NME9: variants seen among roughly 807,000 people sequenced by gnomAD.
NME9 encodes thioredoxin domain-containing protein 6.
Under a neutral mutation model 44.4 loss-of-function variants are expected in NME9, and 48 were observed. The observed-to-expected ratio is 1.08, with a 90% confidence interval of 0.86 to 1.37. The LOEUF (loss-of-function observed/expected upper bound fraction) is 1.37, where lower values mean the gene tolerates loss of function less well. Ranked by LOEUF, NME9 falls within the 40% of genes most tolerant of loss-of-function variation. NME9 has a pLI of 0.00. For missense variants in NME9, 325 were observed against 405.2 expected (o/e 0.80, Z 1.70); for synonymous variants, 139 against 147.1 (o/e 0.94, Z 0.40).
chr3:138,314,383 C>T lies in NME9; in HGVS notation c.409G>A (p.Glu137Lys), dbSNP rs1167184088. The change falls in exon 6 of 11, where the codon GAA (glutamate) becomes AAA (lysine). Residue 137 changes from glutamate to lysine, a missense_variant. By Grantham distance (56) the Glu-to-Lys change is moderately conservative. Transcript: ENST00000333911. ...KVIKDEALSD[E>K]DECVSHGKNN... ...TTTCCATGGGAAACACATTCATCTTCATCAGAAAGAGCCTCATCTTTAATC... is the reference window on the plus strand; with the variant it reads ...TTTCCATGGGAAACACATTCATCTTTATCAGAAAGAGCCTCATCTTTAATC... 2.5e-6 allele frequency: 4 copies of T among 1,608,710 alleles called. No individual in the cohort carries two copies. Among genetic ancestry groups the T allele is most frequent in the Admixed American group, 1.7e-5 (1 of 59,680 alleles).
chr3:138,319,407 T>C, intron 3 of NME9, 71 bp downstream of exon 3: 3 of 893,512 alleles, frequency 3.4e-6, no homozygotes, highest in Non-Finnish European at 5.5e-6. Context: ...ACACTTCTCC[T>C]TCCTGACTCT....
chr3:138,305,089 G>A (rs1434763735), intron 8 of NME9, 62 bp from the exon 9 acceptor site: 3 of 1,500,824 alleles, frequency 2.0e-6, no homozygotes, highest in Non-Finnish European at 2.7e-6. Context: ...CAGAGGATCA[G>A]CGAGCCCATC....
chr3:138,313,128 C>T (rs1309204856), intron 6 of NME9, among the ~76,000 whole-genome samples: 1 of 152,176 alleles, frequency 6.6e-6, no homozygotes. Flanking sequence ...TGGTGGCTCA[C>T]GCCTGTAATC....
In NME9 at chr3:138,301,741, C is replaced by G. The variant is rs1302689300; in HGVS notation, c.929-37G>C. On this transcript the variant is annotated intron_variant, in intron 10 of 10. Transcript: ENST00000333911. Reference sequence around the variant, plus strand: ...CAGATGTTTGGTAGGACTCCTGAAACAGCCCTGTCCCAGACCTTCTGTCCC... The same window carrying G: ...CAGATGTTTGGTAGGACTCCTGAAAGAGCCCTGTCCCAGACCTTCTGTCCC... The G allele has an allele frequency of 7.4e-6, 11 of 1,482,864 alleles. No individual in the cohort carries two copies. In the South Asian group the frequency reaches 1.3e-4, roughly 18 times the overall value. 91.9% of individuals were successfully genotyped at this position (1,482,864 alleles called of 1,614,324 possible). A position where few individuals can be genotyped will look rare whatever the true frequency, so the allele number is the denominator to read the frequency against.
chr3:138,276,213 A>C (rs2049278256), intron 8 of NME9, among the ~76,000 whole-genome samples: 1 of 152,240 alleles, frequency 6.6e-6, no homozygotes, highest in African/African-American at 2.4e-5. Context: ...CAGTCGGCTC[A>C]CTAGCTAGAA....
chr3:138,303,712 A>G (rs2052012832), intron 9 of NME9, 69 bp from the exon 10 acceptor site: 2 of 1,468,078 alleles, frequency 1.4e-6, no homozygotes, highest in Non-Finnish European at 1.9e-6. Context: ...GCTTTCTGGC[A>G]ACATGATCAC....
rs1044019587 is a variant in NME9 at position 138,329,715 on chromosome 3, G to C, written c.-380C>G. 9.0e-7 allele frequency: 1 copy of C among 1,107,882 alleles called. No homozygotes were observed. The highest frequency in any genetic ancestry group is 1.7e-5 in the African/African-American group (1 of 60,308). 68.6% of individuals were successfully genotyped at this position (1,107,882 alleles called of 1,614,324 possible). On this transcript the variant is annotated 5_prime_UTR_variant, in exon 1 of 11. Coordinates refer to ENST00000333911, the MANE Select transcript of NME9 (RefSeq NM_001349018.2). ...AGTCGAGGAATTCTGACAAAAAAAC[G>C]ACATGGGACCCTGTTATCCCTGCTG...
At chr3:138,291,638 G>A (rs1195348395) in intron 8 of NME9, among the ~76,000 whole-genome samples, 1 of 152,210 alleles carries the variant, frequency 6.6e-6, no homozygotes, top group South Asian at 2.1e-4. Context: ...AAAGCAAGGT[G>A]AAGGAATGGA....
intron 8 of NME9, chr3:138,267,119 C>A: frequency 1.8e-6 from 2 of 1,086,240 alleles, no homozygotes; most frequent in South Asian, 3.1e-5. Flanking sequence ...CTTCATCATT[C>A]CAAATCATTA....
chr3:138,302,027 T>A (rs1039803401), intron 10 of NME9, among the ~76,000 whole-genome samples: 3 of 152,176 alleles, frequency 2.0e-5, no homozygotes, highest in African/African-American at 7.2e-5. Flanking sequence ...ATGAGGAAAC[T>A]GAGGCCCAGA....
chr3:138,276,515 A>T (rs1057242006), intron 8 of NME9, among the ~76,000 whole-genome samples: 1 of 152,238 alleles, frequency 6.6e-6, no homozygotes, highest in Non-Finnish European at 1.5e-5. Flanking sequence ...TGGAAAGGAC[A>T]GTATGAATGC....
intron 8 of NME9, among the ~76,000 whole-genome samples, chr3:138,290,891 G>A (rs1422147760): frequency 6.6e-6 from 1 of 152,218 alleles, no homozygotes; most frequent in African/African-American, 2.4e-5. Flanking sequence ...TGGATCCAGA[G>A]GCCATTTGCG....
Position 138,315,484 on chromosome 3 carries a change from C to T in NME9, c.384+43G>A, listed in dbSNP as rs144141911. 6.4e-4 allele frequency: 846 copies of T among 1,331,900 alleles called. 5 individuals carry two copies. In the Middle Eastern group the frequency reaches 9.3e-3, roughly 15 times the overall value. 82.5% of individuals were successfully genotyped at this position (1,331,900 alleles called of 1,614,324 possible). On this transcript the variant is annotated intron_variant, in intron 5 of 10. Coordinates refer to ENST00000333911, the MANE Select transcript of NME9 (RefSeq NM_001349018.2). ...GGGACTGCTGATCTCGCCCTACTAG[C>T]GCACTTGTGAGTTAGCTGCTTATAG...
chr3:138,301,543 A>C lies in NME9; in HGVS notation c.*97T>G. On this transcript the variant is annotated 3_prime_UTR_variant, in exon 11 of 11. Transcript: ENST00000333911. ...TGTCTACAAAAGACAGCTAAACCAA[A>C]AAGTATTGGTACTCAAAAGAGTAAG... is the stretch of plus-strand genomic sequence containing the variant. The C allele has an allele frequency of 6.7e-7, 1 of 1,495,046 alleles. No homozygotes were observed. Among genetic ancestry groups the C allele is most frequent in the Non-Finnish European group, 8.9e-7 (1 of 1,126,246 alleles). The allele number at this position is 1,495,046 out of a possible 1,614,324, so 92.6% of individuals were successfully genotyped here.
rs558084817 is a variant in NME9, at chr3:138,301,177, G to A, written c.*463C>T. 1.2e-5 allele frequency: 11 copies of A among 891,692 alleles called. No homozygotes were observed. The Admixed American group carries it at 5.0e-4, about 40-fold the overall frequency. The allele number at this position is 891,692 out of a possible 1,614,324, so 55.2% of individuals were successfully genotyped here. A position where few individuals can be genotyped will look rare whatever the true frequency, so the allele number is the denominator to read the frequency against. ...ACATACTGTTTAATAAGGCAGAAAA[G>A]TATATACTATTCTCTTTCTTTACTT... On this transcript the variant is annotated 3_prime_UTR_variant, in exon 11 of 11. Coordinates refer to ENST00000333911, the MANE Select transcript of NME9 (RefSeq NM_001349018.2).
At chr3:138,277,487 G>A (rs1346827126) in intron 8 of NME9, among the ~76,000 whole-genome samples, 9 of 152,306 alleles carry the variant, frequency 5.9e-5, no homozygotes, top group Middle Eastern at 3.4e-3. Flanking sequence ...AGGAATATTT[G>A]TGGATCAGAT....
chr3:138,306,664 G>C (rs185193744), intron 6 of NME9, among the ~76,000 whole-genome samples, 184 bp from the exon 7 acceptor site: 144 of 152,324 alleles, frequency 9.5e-4, no homozygotes, highest in Non-Finnish European at 1.9e-3. Context: ...TCTGGTGGAT[G>C]CACCAGTCTG....
At chr3:138,313,129 G>T (rs1027206294) in intron 6 of NME9, among the ~76,000 whole-genome samples, 2 of 152,172 alleles carry the variant, frequency 1.3e-5, no homozygotes, top group Admixed American at 6.5e-5. Context: ...GGTGGCTCAC[G>T]CCTGTAATCC....
intron 1 of NME9, among the ~76,000 whole-genome samples, chr3:138,326,511 G>A (rs923199615): frequency 6.6e-6 from 1 of 152,038 alleles, no homozygotes; most frequent in African/African-American, 2.4e-5. Context: ...ATGGCTCACT[G>A]CAACCTCTGC....
Sources: allele counts gnomAD v4.1 joint callset (sites outside exome capture counted in the v4.1 genomes callset), GRCh38; gene constraint gnomAD v4.1.1; transcripts MANE v1.5; gene names NCBI Gene and HGNC (gene_info 2026-07-23, HGNC 2026-07-21).